Variants in SYN3 observed in about 807,000 individuals in gnomAD.
SYN3 encodes synapsin III, also known as synapsin-3.
In SYN3, 35 loss-of-function variants were observed where a neutral mutation model predicts 65.8. The ratio of observed to expected loss-of-function variants is 0.53; its 90% confidence interval spans 0.41 to 0.70. The LOEUF is 0.70. SYN3 is among the 30% of genes least tolerant of loss of function. The probability of loss-of-function intolerance (pLI) is 0.00; values close to 1 mark genes in which losing one functional copy is unlikely to be tolerated. For missense variants in SYN3, 680 were observed against 749.0 expected, an observed-to-expected ratio of 0.91 and a Z score of 1.08; for synonymous variants, 270 against 292.9, an observed-to-expected ratio of 0.92 and a Z score of 0.80.
intron 4 of SYN3, among the ~76,000 whole-genome samples, chr22:32,875,263 C>G (rs769153111): frequency 1.3e-5 from 2 of 152,146 alleles, no homozygotes; most frequent in African/African-American, 4.8e-5. Flanking sequence ...ACAGACAGCC[C>G]GGCTCTCTGT....
At chr22:32,710,394 G>A (rs1422238600) in intron 6 of SYN3, among the ~76,000 whole-genome samples, 1 of 151,638 alleles carries the variant, frequency 6.6e-6, no homozygotes, top group East Asian at 2.0e-4. Flanking sequence ...AGTTTGGGAG[G>A]CCAAGGAGGG....
intron 6 of SYN3, among the ~76,000 whole-genome samples, chr22:32,615,444 A>AAAAAAAAAAAAAAAG (rs1569093422): frequency 2.7e-5 from 4 of 150,772 alleles, no homozygotes; most frequent in African/African-American, 9.7e-5. Context: ...AAAAAAAAAA[A>AAAAAAAAAAAAAAAG]AAAAAAAGAA....
chr22:32,963,080 CTT>C (rs34940764), intron 3 of SYN3, among the ~76,000 whole-genome samples: 1,474 of 140,324 alleles, frequency 0.011, 21 homozygotes, highest in African/African-American at 0.036. Flanking sequence ...TTACAAAATA[CTT>C]TTTTTTTTTT....
At chr22:33,022,740 C>A (rs1017558822) in intron 1 of SYN3, among the ~76,000 whole-genome samples, 1 of 151,950 alleles carries the variant, frequency 6.6e-6, no homozygotes, top group Non-Finnish European at 1.5e-5. Flanking sequence ...AGAGAGGAGA[C>A]GAGATTCTTC....
At chr22:32,647,853 C>T (rs1370291050) in intron 6 of SYN3, among the ~76,000 whole-genome samples, 1 of 152,064 alleles carries the variant, frequency 6.6e-6, no homozygotes, top group Non-Finnish European at 1.5e-5. Flanking sequence ...GCAATCCGCC[C>T]ACCTCGGCCT....
chr22:32,833,052 A>AT (rs2047624181), intron 6 of SYN3, among the ~76,000 whole-genome samples: 1 of 152,112 alleles, frequency 6.6e-6, no homozygotes, highest in Non-Finnish European at 1.5e-5. Context: ...TTCTTAACAC[A>AT]TTTTTTAACA....
intron 4 of SYN3, among the ~76,000 whole-genome samples, chr22:32,915,025 G>A (rs1304555594): frequency 6.6e-6 from 1 of 152,154 alleles, no homozygotes. Flanking sequence ...GCAGGCTCAA[G>A]TGCAAGTTAT....
In SYN3 at chr22:32,507,987, A is replaced by G. The variant is rs926183401; in HGVS notation, c.*5705T>C. ...GAGAAACATCGCCCATTCTCTCTCC[A>G]TACCACCCCCCAAAAATTTTCGTCG... On this transcript the variant is annotated 3_prime_UTR_variant, in exon 14 of 14. Coordinates refer to ENST00000358763, the MANE Select transcript of SYN3 (RefSeq NM_003490.4). Among the ~76,000 whole-genome samples the G allele has an allele frequency of 3.3e-5, 5 of 151,784 alleles. No individual in the cohort carries two copies. The highest frequency in any genetic ancestry group is 9.7e-5 in the African/African-American group (4 of 41,246).
intron 6 of SYN3, among the ~76,000 whole-genome samples, chr22:32,776,109 T>C (rs1228536076): frequency 6.6e-6 from 1 of 152,110 alleles, no homozygotes; most frequent in Non-Finnish European, 1.5e-5. Flanking sequence ...GCCAGGCAGA[T>C]GGCAGCAGAG....
rs976967549 is a variant in SYN3 at position 32,837,480 on chromosome 22, C to T, written c.711+27435G>A. Among the ~76,000 whole-genome samples, 1 of 151,988 alleles carries T rather than the reference C, an allele frequency of 6.6e-6. No individual in the cohort carries two copies. Among genetic ancestry groups the T allele is most frequent in the Non-Finnish European group, 1.5e-5 (1 of 67,990 alleles). ...CAGCACAGATGCCCAGCCAAAACAC[C>T]CAGGGCGAAACCACTCCAAGAGGTG... On this transcript the variant is annotated intron_variant, in intron 6 of 13. Coordinates refer to ENST00000358763, the MANE Select transcript of SYN3 (RefSeq NM_003490.4). The surrounding 1 kb of genome is among the most constrained non-coding windows in gnomAD (Gnocchi z 4.1).
At chr22:32,959,605 CT>C (rs903962509) in intron 3 of SYN3, among the ~76,000 whole-genome samples, 63 of 147,394 alleles carry the variant, frequency 4.3e-4, no homozygotes, top group African/African-American at 8.7e-4. Flanking sequence ...GCCTCAGACA[CT>C]TTTTTTTTTT....
intron 7 of SYN3, among the ~76,000 whole-genome samples, chr22:32,573,423 G>A (rs942864164): frequency 6.6e-6 from 1 of 152,094 alleles, no homozygotes; most frequent in African/African-American, 2.4e-5. Flanking sequence ...TGGTGATTTT[G>A]TCAACACTAT....
In SYN3 at chr22:32,602,353, T is replaced by C. The variant is rs73399260; in HGVS notation, c.712-5617A>G. On this transcript the variant is annotated intron_variant, in intron 6 of 13. Coordinates refer to ENST00000358763, the MANE Select transcript of SYN3 (RefSeq NM_003490.4). ...GATATGGCTGAGGCTGATGTTTGTA[T>C]TTTTGAAAATAGCTCTTATCTCTTA... 4.8e-3 allele frequency among the ~76,000 whole-genome samples: 727 copies of C among 152,358 alleles called. 8 individuals are homozygous for C. Among genetic ancestry groups the C allele is most frequent in the African/African-American group, 0.017 (688 of 41,590 alleles).
chr22:32,714,375 C>T (rs756269017), intron 6 of SYN3, among the ~76,000 whole-genome samples: 109 of 152,116 alleles, frequency 7.2e-4, no homozygotes, highest in Non-Finnish European at 1.2e-3. Context: ...TCTCTAAGGA[C>T]CCTTTCATAA....
At chr22:32,531,289 T>G (rs1236710869) in intron 10 of SYN3, among the ~76,000 whole-genome samples, 1 of 151,398 alleles carries the variant, frequency 6.6e-6, no homozygotes, top group Non-Finnish European at 1.5e-5. Flanking sequence ...CAGTCACCAC[T>G]GGCTGAGCTC....
chr22:32,872,302 A>C (rs940024387), intron 4 of SYN3, among the ~76,000 whole-genome samples: 3 of 152,228 alleles, frequency 2.0e-5, no homozygotes, highest in African/African-American at 4.8e-5. Flanking sequence ...CACATGAATA[A>C]ATGAATGAAC....
At chr22:32,708,567 G>A (rs1348348365) in intron 6 of SYN3, among the ~76,000 whole-genome samples, 2 of 152,202 alleles carry the variant, frequency 1.3e-5, no homozygotes, top group African/African-American at 4.8e-5. Context: ...AAAGCCTCAA[G>A]GGCCAGGGTC....
chr22:32,578,634 T>C (rs1481385250), intron 7 of SYN3, among the ~76,000 whole-genome samples: 1 of 152,168 alleles, frequency 6.6e-6, no homozygotes, highest in Non-Finnish European at 1.5e-5. Flanking sequence ...AAAAATAAAA[T>C]ACACTAGAAC....
intron 6 of SYN3, among the ~76,000 whole-genome samples, chr22:32,739,380 T>TCC (rs1214707128): frequency 3.3e-5 from 5 of 151,782 alleles, no homozygotes; most frequent in South Asian, 4.2e-4. Context: ...CCCCCCCTTT[T>TCC]TTTTTTTTTT....
Sources: allele counts gnomAD v4.1 joint callset (sites outside exome capture counted in the v4.1 genomes callset), GRCh38; gene constraint gnomAD v4.1.1; non-coding constraint Gnocchi (gnomAD v3.1); transcripts MANE v1.5; gene names NCBI Gene and HGNC (gene_info 2026-07-23, HGNC 2026-07-21).